The following SLC17A5 variants were observed in gnomAD, a reference collection of about 807,000 sequenced individuals.
The protein encoded by SLC17A5 is sialin.
SLC17A5 carries 47 observed loss-of-function variants against 59.4 expected under a neutral mutation model. That is an observed-to-expected ratio of 0.79 (90% CI 0.63 to 1.01). The LOEUF (loss-of-function observed/expected upper bound fraction) is 1.01, where lower values mean the gene tolerates loss of function less well. Ranked by LOEUF, SLC17A5 falls within the 50% of genes least tolerant of loss-of-function variation. The pLI, the probability that SLC17A5 is intolerant of heterozygous loss-of-function variation, is 0.00. For missense variants in SLC17A5, 522 were observed against 595.5 expected (o/e 0.88, Z 1.28); for synonymous variants, 202 against 210.7 (o/e 0.96, Z 0.36).
intron 6 of SLC17A5, among the ~76,000 whole-genome samples, chr6:73,631,495 C>T (rs1281190544): frequency 6.6e-6 from 1 of 151,816 alleles, no homozygotes; most frequent in Non-Finnish European, 1.5e-5. Flanking sequence ...CCAAAGTCAC[C>T]TACTGCAAGT....
chr6:73,634,373 C>T (rs1357669186), intron 6 of SLC17A5, among the ~76,000 whole-genome samples: 1 of 152,086 alleles, frequency 6.6e-6, no homozygotes, highest in Non-Finnish European at 1.5e-5. Context: ...ATATTTGTAT[C>T]ACGTACCTTC....
chr6:73,613,393 TCTCA>T (rs1767717705), intron 8 of SLC17A5, among the ~76,000 whole-genome samples: 1 of 151,588 alleles, frequency 6.6e-6, no homozygotes, highest in African/African-American at 2.4e-5. Flanking sequence ...TGAGACAGGA[TCTCA>T]CTCTGTTGCC....
intron 7 of SLC17A5, among the ~76,000 whole-genome samples, chr6:73,621,166 T>C (rs1006517604): frequency 6.6e-6 from 1 of 152,066 alleles, no homozygotes; most frequent in African/African-American, 2.4e-5. Context: ...CTACCACGCC[T>C]GGTTAATTTT....
Position 73,600,343 on chromosome 6 carries a change from C to G in SLC17A5, c.1350+8G>C, listed in dbSNP as rs918930871. 23 of 1,600,876 alleles carry G rather than the reference C, an allele frequency of 1.4e-5. No individual in the cohort carries two copies. The East Asian group carries it at 4.9e-4, about 34-fold the overall frequency. On this transcript the variant is annotated splice_region_variant and intron_variant, in intron 10 of 10. Transcript: ENST00000355773. ...CCTTTCCAGTTTACAAGTAAATTAT[C>G]TACTTACATCAGGGGTCAGACTTTT...
At chr6:73,617,895 C>T (rs1767942754) in intron 7 of SLC17A5, among the ~76,000 whole-genome samples, 1 of 151,914 alleles carries the variant, frequency 6.6e-6, no homozygotes, top group Non-Finnish European at 1.5e-5. Context: ...GTTTTCTCTT[C>T]AAGGATAAGA....
chr6:73,624,313 A>C (rs946161347), intron 6 of SLC17A5, among the ~76,000 whole-genome samples: 5 of 152,130 alleles, frequency 3.3e-5, no homozygotes, highest in African/African-American at 1.2e-4. Context: ...CTGAGGCATG[A>C]GAATTGCTTG....
chr6:73,651,761 C>T (rs866590286), intron 1 of SLC17A5, among the ~76,000 whole-genome samples: 1 of 151,912 alleles, frequency 6.6e-6, no homozygotes, highest in African/African-American at 2.4e-5. Context: ...CCTTGTTAGC[C>T]GGGATGGTCT....
intron 6 of SLC17A5, among the ~76,000 whole-genome samples, chr6:73,631,232 G>C (rs1035450440): frequency 6.6e-6 from 1 of 151,034 alleles, no homozygotes; most frequent in African/African-American, 2.5e-5. Context: ...CTGCATGACA[G>C]TCCGGGAGAC....
At chr6:73,609,099 G>A (rs2150085549) in intron 9 of SLC17A5, among the ~76,000 whole-genome samples, 1 of 152,290 alleles carries the variant, frequency 6.6e-6, no homozygotes, top group Non-Finnish European at 1.5e-5. Flanking sequence ...TGAAGATTTT[G>A]AGGTAGTGAA....
At chr6:73,595,645 G>A (rs1448165999) in intron 10 of SLC17A5, among the ~76,000 whole-genome samples, 1 of 152,008 alleles carries the variant, frequency 6.6e-6, no homozygotes, top group Non-Finnish European at 1.5e-5. Flanking sequence ...ATTGGGTGCT[G>A]GTTACACAGA....
rs1339947828 is a variant in SLC17A5 at position 73,593,591 on chromosome 6, G to A, written c.*1486C>T. On this transcript the variant is annotated 3_prime_UTR_variant, in exon 11 of 11. Transcript: ENST00000355773. ...AGCATGCTCAACAACCACAGCCACT[G>A]GAGGATGGTCCACTGGAAAAATATG... 1 of 152,196 alleles carries A rather than the reference G, an allele frequency of 6.6e-6. No individual in the cohort carries two copies. Among genetic ancestry groups the A allele is most frequent in the African/African-American group, 2.4e-5 (1 of 41,450 alleles). 9.4% of individuals were successfully genotyped at this position (152,196 alleles called of 1,614,324 possible).
rs189458309 is a variant in SLC17A5 at position 73,623,329 on chromosome 6, G to A, written c.820-1367C>T. ...GTTGGGATTACAGGCGTGAGCCACT[G>A]CACCTGGCCTATGTATTTTTTTTTG... On this transcript the variant is annotated intron_variant, in intron 6 of 10. Transcript: ENST00000355773. Among the ~76,000 whole-genome samples the A allele has an allele frequency of 3.8e-4, 58 of 150,658 alleles. 1 individual carries two copies. Among genetic ancestry groups the A allele is most frequent in the Middle Eastern group, 3.6e-3 (1 of 278 alleles).
intron 6 of SLC17A5, among the ~76,000 whole-genome samples, chr6:73,634,333 C>T (rs1768902382): frequency 6.6e-6 from 1 of 152,162 alleles, no homozygotes; most frequent in Non-Finnish European, 1.5e-5. Flanking sequence ...ATGCTTGGAA[C>T]CAGAAGTGTT....
At position 73,623,379 on chromosome 6, in the gene SLC17A5, A is replaced by C. The variant is rs1283545556; in HGVS notation, c.820-1417T>G. Among the ~76,000 whole-genome samples, 4 of 151,798 alleles carry C rather than the reference A, an allele frequency of 2.6e-5. No individual in the cohort carries two copies. In the South Asian group the frequency reaches 8.3e-4, roughly 32 times the overall value. ...GAGATGGAGTCTTGCTCTATTGCCC[A>C]GGCTGGAGTGCAGTGGTGCAATCTC... On this transcript the variant is annotated intron_variant, in intron 6 of 10. Transcript: ENST00000355773.
rs1472109408 is a variant in SLC17A5, at chr6:73,636,653, T to TA, written c.667dup (p.Tyr223LeufsTer27). 2.5e-6 allele frequency: 4 copies of TA among 1,610,856 alleles called. No individual in the cohort carries two copies. Among genetic ancestry groups the TA allele is most frequent in the Admixed American group, 3.3e-5 (2 of 60,012 alleles). Reference sequence around the variant, plus strand: ...GTAGAAGACATAAGTCCAATTCATATAGTAGCAAATTATTCCAGAAAGAGG... The same window carrying TA: ...GTAGAAGACATAAGTCCAATTCATATAAGTAGCAAATTATTCCAGAAAGAGG... On this transcript the variant is annotated frameshift_variant, in exon 5 of 11. Coordinates refer to ENST00000355773, the MANE Select transcript of SLC17A5 (RefSeq NM_012434.5). LOFTEE classifies it high-confidence loss of function.
At chr6:73,602,256 T>A (rs969210757) in intron 9 of SLC17A5, among the ~76,000 whole-genome samples, 9 of 148,200 alleles carry the variant, frequency 6.1e-5, no homozygotes, top group Non-Finnish European at 8.9e-5. Context: ...TCGTTAAGAA[T>A]CATCACCACT....
chr6:73,596,927 G>A (rs1766833631), intron 10 of SLC17A5, among the ~76,000 whole-genome samples: 1 of 151,828 alleles, frequency 6.6e-6, no homozygotes, highest in African/African-American at 2.4e-5. Context: ...TTGGGAGGCT[G>A]AGGTGGGTGG....
intron 1 of SLC17A5, among the ~76,000 whole-genome samples, chr6:73,652,003 C>T (rs1769896034): frequency 6.6e-6 from 1 of 151,718 alleles, no homozygotes; most frequent in South Asian, 2.1e-4. Context: ...TAACTTTAAT[C>T]TGGGTGCTGG....
At chr6:73,641,605 C>T in intron 3 of SLC17A5, 86 bp downstream of exon 3, 1 of 1,024,806 alleles carries the variant, frequency 9.8e-7, no homozygotes, top group African/African-American at 1.6e-5. Flanking sequence ...TTTTTTGGTT[C>T]ATATTCATAC....
Sources: allele counts gnomAD v4.1 joint callset (sites outside exome capture counted in the v4.1 genomes callset), GRCh38; gene constraint gnomAD v4.1.1; transcripts MANE v1.5; gene names NCBI Gene and HGNC (gene_info 2026-07-23, HGNC 2026-07-21).